SPACA7: variants seen among roughly 807,000 people sequenced by gnomAD.
SPACA7 encodes the protein sperm acrosome associated 7, also known as sperm acrosome-associated protein 7.
Under a neutral mutation model 26.3 loss-of-function variants are expected in SPACA7, and 19 were observed. The observed-to-expected ratio is 0.72, with a 90% CI of 0.50 to 1.06. SPACA7 has a LOEUF of 1.06. Among genes scored for constraint, SPACA7 ranks in the 50% least tolerant of loss-of-function variants. The pLI is 0.00. For synonymous variants in SPACA7, 84 were observed against 84.5 expected, an observed-to-expected ratio of 0.99 and a Z score of 0.04; for missense variants, 211 against 229.9, an observed-to-expected ratio of 0.92 and a Z score of 0.53.
intron 5 of SPACA7, among the ~76,000 whole-genome samples, chr13:112,409,519 G>GAA (rs1414313530): frequency 6.8e-6 from 1 of 147,396 alleles, no homozygotes; most frequent in South Asian, 2.1e-4. Flanking sequence ...AAATTTACAA[G>GAA]AAAAAAACAA....
intron 5 of SPACA7, among the ~76,000 whole-genome samples, chr13:112,413,350 T>C (rs1886472613): frequency 6.9e-6 from 1 of 144,712 alleles, no homozygotes; most frequent in African/African-American, 2.6e-5. Context: ...GAGTAGAGCA[T>C]TCTTGGTTGG....
chr13:112,405,282 C>G (rs1885914349), intron 5 of SPACA7, among the ~76,000 whole-genome samples: 1 of 151,976 alleles, frequency 6.6e-6, no homozygotes, highest in African/African-American at 2.4e-5. Context: ...CTTTCTTGCT[C>G]TTTTTCTAGT....
chr13:112,415,317 C>T (rs557549474), intron 5 of SPACA7, among the ~76,000 whole-genome samples: 5 of 152,348 alleles, frequency 3.3e-5, no homozygotes, highest in African/African-American at 1.2e-4. Context: ...AGAGCTCATC[C>T]AAGGTCTGCA....
intron 5 of SPACA7, among the ~76,000 whole-genome samples, chr13:112,417,645 AT>A (rs1886776005): frequency 6.6e-6 from 1 of 152,086 alleles, no homozygotes; most frequent in South Asian, 2.1e-4. Flanking sequence ...TAAAATTCAC[AT>A]GTGCTTTTTA....
chr13:112,381,521 G>A (rs992182514), intron 1 of SPACA7, among the ~76,000 whole-genome samples: 3 of 150,392 alleles, frequency 2.0e-5, no homozygotes, highest in South Asian at 2.1e-4. Flanking sequence ...ATGCAGACAC[G>A]CTATTGTAAC....
At chr13:112,422,935 A>C (rs537536725) in intron 5 of SPACA7, among the ~76,000 whole-genome samples, 10 of 152,244 alleles carry the variant, frequency 6.6e-5, no homozygotes, top group Non-Finnish European at 1.5e-4. Context: ...CAGAAAAATC[A>C]GATTCATTGA....
chr13:112,382,617 T>A, intron 1 of SPACA7: 1 of 1,382,054 alleles, frequency 7.2e-7, no homozygotes, highest in Non-Finnish European at 9.7e-7. Flanking sequence ...ATAGTTTTAG[T>A]ACAGTATTTA....
At chr13:112,403,020 A>G (rs564904927) in intron 5 of SPACA7, among the ~76,000 whole-genome samples, 5 of 152,162 alleles carry the variant, frequency 3.3e-5, no homozygotes, top group African/African-American at 1.2e-4. Flanking sequence ...TATAATAAAA[A>G]TTAGAAATTT....
chr13:112,401,005 C>A (rs1311241385), intron 4 of SPACA7, 64 bp from the exon 5 acceptor site: 3 of 1,168,802 alleles, frequency 2.6e-6, no homozygotes, highest in African/African-American at 3.1e-5. Context: ...AATAAATGAC[C>A]AAAGTGCTTA....
intron 5 of SPACA7, among the ~76,000 whole-genome samples, chr13:112,411,785 T>C (rs1417215801): frequency 6.6e-6 from 1 of 152,202 alleles, no homozygotes; most frequent in Admixed American, 6.5e-5. Flanking sequence ...TATGACTGAA[T>C]AGTATTCCAT....
rs1038327654 is a variant in SPACA7, at chr13:112,399,291, T to C, written c.349+118T>C. 8.6e-6 allele frequency: 6 copies of C among 699,638 alleles called. No homozygotes were observed. In the African/African-American group the frequency reaches 1.1e-4, roughly 12 times the overall value. 43.3% of individuals were successfully genotyped at this position (699,638 alleles called of 1,614,324 possible). On this transcript the variant is annotated intron_variant, in intron 4 of 6. Transcript: ENST00000283550. ...GGAGGATAAACCCTTGGTGGGAGAATGTGCCCACTTCCCCTGGTTGGGCAG... is the reference window on the plus strand; with the variant it reads ...GGAGGATAAACCCTTGGTGGGAGAACGTGCCCACTTCCCCTGGTTGGGCAG...
At chr13:112,423,362 T>G (rs1876178588) in intron 5 of SPACA7, among the ~76,000 whole-genome samples, 1 of 152,140 alleles carries the variant, frequency 6.6e-6, no homozygotes, top group Non-Finnish European at 1.5e-5. Context: ...AAATTATTCA[T>G]GGCATAGAAA....
intron 1 of SPACA7, among the ~76,000 whole-genome samples, chr13:112,376,889 T>C (rs1490323606): frequency 1.3e-5 from 2 of 152,206 alleles, no homozygotes; most frequent in East Asian, 3.8e-4. Context: ...TGTAAAACAT[T>C]TTCTTGCGAA....
chr13:112,417,470 A>G (rs560818788), intron 5 of SPACA7, among the ~76,000 whole-genome samples: 1 of 152,292 alleles, frequency 6.6e-6, no homozygotes, highest in South Asian at 2.1e-4. Flanking sequence ...TATAAGAAAA[A>G]TAAGTGTATC....
intron 3 of SPACA7, 137 bp from the exon 4 acceptor site, chr13:112,398,929 G>T (rs527239132): frequency 4.7e-6 from 3 of 643,416 alleles, no homozygotes; most frequent in Non-Finnish European, 8.3e-6. Flanking sequence ...ACTTACCAAC[G>T]CACATTTCCA....
At chr13:112,431,035 G>A (rs936755805) in intron 5 of SPACA7, among the ~76,000 whole-genome samples, 4 of 152,194 alleles carry the variant, frequency 2.6e-5, no homozygotes, top group African/African-American at 7.2e-5. Context: ...GGTCACAGTT[G>A]TGGCCTCCAG....
chr13:112,402,003 CT>C (rs1376876446), intron 5 of SPACA7, among the ~76,000 whole-genome samples: 3 of 152,196 alleles, frequency 2.0e-5, no homozygotes, highest in African/African-American at 7.2e-5. Context: ...ACACTTCCCT[CT>C]TTTAGTTTTT....
chr13:112,426,620 T>C (rs1437467677), intron 5 of SPACA7, among the ~76,000 whole-genome samples: 1 of 152,224 alleles, frequency 6.6e-6, no homozygotes, highest in Admixed American at 6.5e-5. Context: ...TTTTATTAGG[T>C]TTATACATAA....
chr13:112,401,206 C>T (rs536917367), intron 5 of SPACA7, 42 bp downstream of exon 5: 17 of 1,501,204 alleles, frequency 1.1e-5, no homozygotes, highest in Middle Eastern at 1.8e-4. Flanking sequence ...GTGGGAGAGA[C>T]GGAGGCATGA....
Sources: gnomAD v4.1 joint callset for allele counts (sites outside exome capture counted in the v4.1 genomes callset) on GRCh38, gnomAD v4.1.1 for gene constraint, MANE v1.5 for transcripts, NCBI Gene and HGNC (gene_info 2026-07-23, HGNC 2026-07-21) for gene names.